IQSEC1: variants seen among roughly 807,000 people sequenced by gnomAD.
IQSEC1 encodes IQ motif and SEC7 domain-containing protein 1.
IQSEC1 carries 31 observed loss-of-function variants against 91.0 expected under a neutral mutation model. The observed-to-expected ratio is 0.34, with a 90% CI of 0.26 to 0.46. IQSEC1 has a LOEUF of 0.46. IQSEC1 is among the 20% of genes least tolerant of loss of function. The pLI is 1.00. For synonymous variants in IQSEC1, 699 were observed against 662.6 expected, an observed-to-expected ratio of 1.05 and a Z score of -0.84; for missense variants, 1,388 against 1,575.6, an observed-to-expected ratio of 0.88 and a Z score of 2.02.
chr3:13,113,595 C>T (rs993619001), intron 2 of IQSEC1, among the ~76,000 whole-genome samples: 3 of 152,116 alleles, frequency 2.0e-5, no homozygotes, highest in South Asian at 2.1e-4. Context: ...GGAGAGAAGA[C>T]GAGGCCTCCA....
chr3:13,261,404 C>T (rs1695383358), intron 1 of IQSEC1, among the ~76,000 whole-genome samples: 1 of 152,210 alleles, frequency 6.6e-6, no homozygotes, highest in Non-Finnish European at 1.5e-5. Context: ...AGAGACCACG[C>T]CATGCCCCTC....
At chr3:13,256,517 A>T (rs1695288270) in intron 1 of IQSEC1, among the ~76,000 whole-genome samples, 1 of 152,148 alleles carries the variant, frequency 6.6e-6, no homozygotes, top group Admixed American at 6.5e-5. Flanking sequence ...AGATAAGCAA[A>T]CTGATTGGAG....
intron 1 of IQSEC1, among the ~76,000 whole-genome samples, chr3:12,946,515 G>A (rs1317289401): frequency 6.6e-6 from 1 of 152,192 alleles, no homozygotes; most frequent in Non-Finnish European, 1.5e-5. Context: ...AATGTGTGCA[G>A]CAGTACATAC....
At chr3:13,140,234 T>G (rs1425791819) in intron 2 of IQSEC1, among the ~76,000 whole-genome samples, 1 of 152,188 alleles carries the variant, frequency 6.6e-6, no homozygotes, top group Non-Finnish European at 1.5e-5. Context: ...CAGATTCTGC[T>G]GCTTGCATGT....
chr3:13,200,293 C>A (rs572417557), intron 1 of IQSEC1, among the ~76,000 whole-genome samples: 5 of 152,036 alleles, frequency 3.3e-5, no homozygotes, highest in African/African-American at 1.2e-4. Flanking sequence ...ACTCCCCCCC[C>A]TTATCATTTA....
chr3:13,006,184 C>T (rs1418929339), intron 1 of IQSEC1, among the ~76,000 whole-genome samples: 2 of 152,220 alleles, frequency 1.3e-5, no homozygotes, highest in Non-Finnish European at 2.9e-5. Flanking sequence ...CTCCTCCCAC[C>T]TGAGCTGGGG....
At chr3:13,071,556 C>T (rs1705428245) in intron 1 of IQSEC1, among the ~76,000 whole-genome samples, 2 of 152,174 alleles carry the variant, frequency 1.3e-5, no homozygotes, top group Admixed American at 1.3e-4. Context: ...AAGTTCCACG[C>T]TGGGAAAGGA....
chr3:12,957,615 C>A (rs898495871), intron 1 of IQSEC1, among the ~76,000 whole-genome samples: 1 of 152,216 alleles, frequency 6.6e-6, no homozygotes, highest in Non-Finnish European at 1.5e-5. Context: ...GGGAGGCTGG[C>A]TCTGGACAGG....
chr3:13,055,056 G>A (rs373864790), intron 1 of IQSEC1, among the ~76,000 whole-genome samples: 3 of 152,234 alleles, frequency 2.0e-5, no homozygotes, highest in Non-Finnish European at 4.4e-5. Flanking sequence ...ACCCACCGCC[G>A]GCCTTCCTGT....
At chr3:13,235,826 T>C (rs1177151138) in intron 1 of IQSEC1, among the ~76,000 whole-genome samples, 3 of 152,170 alleles carry the variant, frequency 2.0e-5, no homozygotes, top group Admixed American at 6.5e-5. Context: ...ATGCATGTCC[T>C]TGCTACTCTG....
At chr3:12,952,244 A>C (rs1699598506) in intron 1 of IQSEC1, among the ~76,000 whole-genome samples, 1 of 152,128 alleles carries the variant, frequency 6.6e-6, no homozygotes, top group South Asian at 2.1e-4. Context: ...GAGGCCTAGT[A>C]GACAGCCCAA....
At chr3:12,975,843 C>T (rs1701141947) in intron 1 of IQSEC1, among the ~76,000 whole-genome samples, 1 of 152,370 alleles carries the variant, frequency 6.6e-6, no homozygotes, top group South Asian at 2.1e-4. Flanking sequence ...ATTCTTACAA[C>T]ACTATTCCAT....
intron 1 of IQSEC1, among the ~76,000 whole-genome samples, chr3:13,025,122 C>T (rs762547097): frequency 9.9e-5 from 15 of 152,240 alleles, no homozygotes; most frequent in Non-Finnish European, 1.6e-4. Flanking sequence ...CTGGCACTGC[C>T]GGGCACGTGT....
chr3:12,913,486 T>C lies in IQSEC1; in HGVS notation c.2258A>G (p.Lys753Arg). ...CTGGTGTAGTCCGAGTTTCTGGGGC[T>C]TGTTTGGGTCTGGAACCTCAAAGAG... ...CRLFEVPDPNKPQKLGLHQRE... is the reference protein window; with the variant it reads ...CRLFEVPDPNRPQKLGLHQRE... Residue 753 changes from lysine (K) to arginine (R), a missense_variant, in exon 9 of 14, where the codon AAG becomes AGG. Around this residue, in one of 2 missense-constraint regions of IQSEC1, gnomAD observed 1,059 missense variants for 1,317.8 expected, o/e 0.80. Transcript: ENST00000613206. 6.2e-7 allele frequency: 1 copy of C among 1,608,664 alleles called. No homozygotes were observed. The highest frequency in any genetic ancestry group is 1.1e-5 in the South Asian group (1 of 90,846).
chr3:13,002,580 A>G (rs1387679452), intron 1 of IQSEC1, among the ~76,000 whole-genome samples: 1 of 151,026 alleles, frequency 6.6e-6, no homozygotes, highest in African/African-American at 2.4e-5. Flanking sequence ...TGAGAAACTG[A>G]GAAAATTATA....
chr3:13,243,641 G>C (rs766243673), intron 1 of IQSEC1, among the ~76,000 whole-genome samples: 5 of 152,052 alleles, frequency 3.3e-5, no homozygotes, highest in Non-Finnish European at 7.4e-5. Context: ...CCTCCAGACC[G>C]AGGAGAAGTT....
chr3:13,201,132 G>T (rs1368115588), intron 1 of IQSEC1, among the ~76,000 whole-genome samples: 3 of 152,184 alleles, frequency 2.0e-5, no homozygotes, highest in Non-Finnish European at 4.4e-5. Flanking sequence ...TCCATCTGCA[G>T]CAGGGGGAGC....
intron 1 of IQSEC1, among the ~76,000 whole-genome samples, chr3:12,976,783 G>A (rs1198462371): frequency 2.0e-5 from 3 of 152,126 alleles, no homozygotes; most frequent in Non-Finnish European, 4.4e-5. Context: ...ATAAATGTCT[G>A]CTGGACAGGT....
chr3:13,020,260 G>A (rs1317842133), intron 1 of IQSEC1, among the ~76,000 whole-genome samples: 2 of 152,156 alleles, frequency 1.3e-5, no homozygotes, highest in Admixed American at 6.5e-5. Context: ...TGGGGCAGGG[G>A]CAGGGGCAGG....
Sources: allele counts gnomAD v4.1 joint callset (sites outside exome capture counted in the v4.1 genomes callset), GRCh38; gene constraint gnomAD v4.1.1; regional missense constraint gnomAD v4.1.1; transcripts MANE v1.5; gene names NCBI Gene and HGNC (gene_info 2026-07-23, HGNC 2026-07-21).